Variants in SYT9 observed in about 807,000 individuals in gnomAD.
The protein encoded by SYT9 is synaptotagmin-9.
SYT9 carries 22 observed loss-of-function variants against 48.4 expected under a neutral mutation model. That is an observed-to-expected ratio of 0.45 (90% CI 0.32 to 0.65). The LOEUF is 0.65. Ranked by LOEUF, SYT9 falls within the 30% of genes least tolerant of loss-of-function variation. The pLI is 0.03. For missense variants in SYT9, 577 were observed against 622.0 expected (o/e 0.93, Z 0.77); for synonymous variants, 265 against 245.0 (o/e 1.08, Z -0.76).
chr11:7,368,057 A>C (rs1359939479), intron 3 of SYT9, among the ~76,000 whole-genome samples: 1 of 152,248 alleles, frequency 6.6e-6, no homozygotes, highest in Non-Finnish European at 1.5e-5. Context: ...CCTGCAATCT[A>C]ACCTAGGTAG....
chr11:7,320,637 T>C (rs1272722946), intron 3 of SYT9, among the ~76,000 whole-genome samples: 1 of 152,230 alleles, frequency 6.6e-6, no homozygotes, highest in Non-Finnish European at 1.5e-5. Flanking sequence ...GAGGCTGTTA[T>C]GCAGAACTGA....
At chr11:7,321,635 G>A (rs1016319232) in intron 3 of SYT9, among the ~76,000 whole-genome samples, 1 of 152,150 alleles carries the variant, frequency 6.6e-6, no homozygotes. Context: ...GTCTTTTATT[G>A]AACAGTACTG....
chr11:7,371,103 T>G (rs1850353558), intron 3 of SYT9, among the ~76,000 whole-genome samples: 1 of 152,178 alleles, frequency 6.6e-6, no homozygotes, highest in African/African-American at 2.4e-5. Context: ...ATATTATCAT[T>G]AAAGCCGCTT....
At chr11:7,259,336 G>A (rs1261299204) in intron 1 of SYT9, among the ~76,000 whole-genome samples, 2 of 151,928 alleles carry the variant, frequency 1.3e-5, no homozygotes, top group African/African-American at 4.8e-5. Context: ...TTCCAAGAAT[G>A]GGTATACCTT....
At chr11:7,343,795 AAG>A (rs1849752870) in intron 3 of SYT9, among the ~76,000 whole-genome samples, 1 of 152,200 alleles carries the variant, frequency 6.6e-6, no homozygotes, top group African/African-American at 2.4e-5. Context: ...CATAAAGAAA[AAG>A]AGGTTTAATG....
At chr11:7,424,862 C>T (rs532068243) in intron 6 of SYT9, among the ~76,000 whole-genome samples, 76 of 152,332 alleles carry the variant, frequency 5.0e-4, no homozygotes, top group Non-Finnish European at 8.5e-4. Context: ...GGGACCAGCT[C>T]ATTGAGCCTC....
chr11:7,439,017 C>T (rs1847771598), intron 6 of SYT9: 1 of 152,178 alleles, frequency 6.6e-6, no homozygotes, highest in African/African-American at 2.4e-5. Flanking sequence ...ATGCAAGAGC[C>T]ACCTCCCTCC....
chr11:7,417,995 C>T lies in SYT9; in HGVS notation c.1204C>T (p.Arg402Ter), dbSNP rs543709489. Residue 402 changes from arginine (R) to a stop codon, truncating the protein, a stop_gained, in exon 5 of 7, where the codon CGA (arginine) becomes TGA (stop). Transcript: ENST00000318881. LOFTEE classifies it high-confidence loss of function. ...VKVSLMCDGR[R>*]LKKRKTSTKR... ...AGTCTCGCTGATGTGTGATGGCAGA[C>T]GACTGAAGAAGAGGAAAACATCCAC... 12 of 1,614,076 alleles carry T rather than the reference C, an allele frequency of 7.4e-6. No individual in the cohort carries two copies. The highest frequency in any genetic ancestry group is 4.5e-5 in the East Asian group (2 of 44,884).
chr11:7,438,552 T>C (rs568900234), intron 6 of SYT9: 1 of 152,872 alleles, frequency 6.5e-6, no homozygotes, highest in South Asian at 2.1e-4. Context: ...CCAGGTCTCT[T>C]GGTGCCCAGG....
intron 3 of SYT9, among the ~76,000 whole-genome samples, chr11:7,361,865 T>C (rs574200436): frequency 9.9e-5 from 15 of 152,186 alleles, no homozygotes; most frequent in Non-Finnish European, 2.1e-4. Flanking sequence ...AAGTTAGTTT[T>C]CAAAGACTCA....
intron 1 of SYT9, among the ~76,000 whole-genome samples, chr11:7,240,474 C>T (rs535352513): frequency 6.6e-6 from 1 of 152,268 alleles, no homozygotes; most frequent in South Asian, 2.1e-4. Context: ...ATAATATATG[C>T]AAGACATTTT....
chr11:7,303,327 A>G lies in SYT9; in HGVS notation c.434A>G (p.Gln145Arg). 1 of 1,613,760 alleles carries G rather than the reference A, an allele frequency of 6.2e-7. No individual in the cohort carries two copies. The highest frequency in any genetic ancestry group is 1.7e-5 in the Admixed American group (1 of 60,016). The change falls in exon 2 of 7, where the codon CAG becomes CGG. Residue 145 changes from glutamine to arginine, a missense_variant. Coordinates refer to ENST00000318881, the MANE Select transcript of SYT9 (RefSeq NM_175733.4). ...DIPLSTQTGI[Q>R]ENCAHGVRVQ... ...CCCCTCTCCACCCAGACGGGGATCC[A>G]GGAGAACTGTGCCCATGGCGTCCGC...
intron 3 of SYT9, among the ~76,000 whole-genome samples, chr11:7,361,893 A>G (rs1370066078): frequency 6.6e-6 from 1 of 152,154 alleles, no homozygotes; most frequent in African/African-American, 2.4e-5. Flanking sequence ...CTAATTTCCT[A>G]TTCCACCACT....
At chr11:7,458,816 C>T (rs2134156476) in intron 6 of SYT9, among the ~76,000 whole-genome samples, 1 of 152,296 alleles carries the variant, frequency 6.6e-6, no homozygotes. Flanking sequence ...GCTCAGGTAA[C>T]TGGAACCCAG....
chr11:7,261,392 T>C (rs576273474), intron 1 of SYT9, among the ~76,000 whole-genome samples: 9 of 152,126 alleles, frequency 5.9e-5, no homozygotes, highest in Non-Finnish European at 1.3e-4. Flanking sequence ...TTGCTCACCA[T>C]ATATTTATTG....
intron 6 of SYT9, among the ~76,000 whole-genome samples, chr11:7,432,791 C>A (rs1217119960): frequency 6.6e-6 from 1 of 151,204 alleles, no homozygotes; most frequent in African/African-American, 2.4e-5. Context: ...ATATTACAGG[C>A]TCATGGGTAG....
intron 3 of SYT9, among the ~76,000 whole-genome samples, chr11:7,387,726 A>G (rs1850688347): frequency 6.6e-6 from 1 of 152,106 alleles, no homozygotes; most frequent in Non-Finnish European, 1.5e-5. Flanking sequence ...TTCCCTTTCC[A>G]TATCTGGTTT....
At chr11:7,351,338 G>C (rs1288913919) in intron 3 of SYT9, among the ~76,000 whole-genome samples, 1 of 152,198 alleles carries the variant, frequency 6.6e-6, no homozygotes. Flanking sequence ...CCAGGGTCAA[G>C]CTCCCACAGT....
intron 6 of SYT9, among the ~76,000 whole-genome samples, chr11:7,465,576 T>A (rs1237040790): frequency 1.3e-5 from 2 of 152,248 alleles, no homozygotes; most frequent in Non-Finnish European, 2.9e-5. Flanking sequence ...CAAGAGATAC[T>A]GCTAGTCTAA....
Sources: gnomAD v4.1 joint callset for allele counts (sites outside exome capture counted in the v4.1 genomes callset) on GRCh38, gnomAD v4.1.1 for gene constraint, MANE v1.5 for transcripts, NCBI Gene and HGNC (gene_info 2026-07-23, HGNC 2026-07-21) for gene names.